MYO16: variants seen among roughly 807,000 people sequenced by gnomAD.
The protein encoded by MYO16 is unconventional myosin-XVI.
Under a neutral mutation model 205.3 loss-of-function variants are expected in MYO16, and 94 were observed. That is an observed-to-expected ratio of 0.46 (90% CI 0.39 to 0.54). The LOEUF is 0.54. Among genes scored for constraint, MYO16 ranks in the 20% least tolerant of loss-of-function variants. The pLI is 0.00. For synonymous variants in MYO16, 988 were observed against 954.0 expected, an observed-to-expected ratio of 1.04 and a Z score of -0.66; for missense variants, 2,315 against 2,387.5, an observed-to-expected ratio of 0.97 and a Z score of 0.63.
intron 27 of MYO16, among the ~76,000 whole-genome samples, chr13:109,087,978 C>T (rs1322785557): frequency 3.3e-5 from 5 of 152,184 alleles, no homozygotes; most frequent in Non-Finnish European, 7.3e-5. Flanking sequence ...CAAGCCATGG[C>T]TCAGCCAGTG....
intron 34 of MYO16, among the ~76,000 whole-genome samples, chr13:109,189,631 A>AC (rs1566555918): frequency 6.6e-6 from 1 of 151,314 alleles, no homozygotes; most frequent in African/African-American, 2.4e-5. Context: ...GTACATTGAA[A>AC]CCCCCCAGGC....
At chr13:109,066,445 G>A (rs547507543) in intron 27 of MYO16, among the ~76,000 whole-genome samples, 13 of 152,294 alleles carry the variant, frequency 8.5e-5, no homozygotes, top group Admixed American at 4.6e-4. Flanking sequence ...AAGGTTTAAC[G>A]AAGTTTGAGA....
At chr13:109,056,977 AAG>A (rs1566484855) in intron 27 of MYO16, among the ~76,000 whole-genome samples, 1 of 152,188 alleles carries the variant, frequency 6.6e-6, no homozygotes, top group Non-Finnish European at 1.5e-5. Flanking sequence ...TCATCCAAAA[AAG>A]AGAGATTTTG....
At chr13:108,591,795 C>T (rs1256439793), upstream of MYO16, among the ~76,000 whole-genome samples, 1 of 152,012 alleles carries the variant, frequency 6.6e-6, no homozygotes, top group East Asian at 1.9e-4. Flanking sequence ...TTATTTGGCT[C>T]TTGATTCTTT....
intron 21 of MYO16, among the ~76,000 whole-genome samples, chr13:109,007,364 G>C (rs1431034214): frequency 1.3e-5 from 2 of 151,872 alleles, no homozygotes; most frequent in Admixed American, 6.6e-5. Flanking sequence ...CTCCAGCCTG[G>C]GCGACAGGGC....
intron 16 of MYO16, among the ~76,000 whole-genome samples, chr13:108,921,477 T>A (rs1191200494): frequency 6.6e-6 from 1 of 152,262 alleles, no homozygotes; most frequent in African/African-American, 2.4e-5. Context: ...GTTTCCTTTG[T>A]AGCTTGCAGG....
At chr13:108,731,332 A>G (rs767288346) in intron 4 of MYO16, among the ~76,000 whole-genome samples, 10 of 152,218 alleles carry the variant, frequency 6.6e-5, no homozygotes, top group Non-Finnish European at 1.5e-4. Context: ...AAAGCAGGCC[A>G]GTTTTTGGAA....
chr13:108,728,232 C>T (rs985049786), intron 4 of MYO16, among the ~76,000 whole-genome samples: 2 of 152,138 alleles, frequency 1.3e-5, no homozygotes, highest in African/African-American at 2.4e-5. Flanking sequence ...CTTCTTAATG[C>T]CTTGCTATTA....
intron 4 of MYO16, among the ~76,000 whole-genome samples, chr13:108,774,257 T>C (rs1016836220): frequency 6.6e-6 from 1 of 152,254 alleles, no homozygotes; most frequent in Non-Finnish European, 1.5e-5. Flanking sequence ...TCTTGGTTCA[T>C]ATGCCATATG....
chr13:108,604,907 T>C (rs7988598), intron 1 of MYO16, among the ~76,000 whole-genome samples: 8,657 of 152,236 alleles, frequency 0.057, 328 homozygotes, highest in Admixed American at 0.11. Flanking sequence ...GGATGCATAG[T>C]TGGATGGATG....
In MYO16 at chr13:108,869,304, G is replaced by A. The variant is rs1330511997; in HGVS notation, c.1425+3062G>A. On this transcript the variant is annotated intron_variant, in intron 12 of 34. Transcript: ENST00000457511. Reference sequence around the variant, plus strand: ...GAAATTCCTCTCAGTGTATCATCCCGTGTGCTCTTCTGGAGGATATATTGC... The same window carrying A: ...GAAATTCCTCTCAGTGTATCATCCCATGTGCTCTTCTGGAGGATATATTGC... Among the ~76,000 whole-genome samples the A allele has an allele frequency of 2.6e-5, 4 of 152,054 alleles. No individual in the cohort carries two copies. The East Asian group carries it at 5.8e-4, about 22-fold the overall frequency.
chr13:108,893,395 T>A (rs58404194), intron 14 of MYO16, among the ~76,000 whole-genome samples: 10,599 of 152,254 alleles, frequency 0.07, 484 homozygotes, highest in Middle Eastern at 0.2. Context: ...CTGTAAGAAT[T>A]TAACTCTTGT....
Position 108,961,592 on chromosome 13 carries a change from T to C in MYO16, c.2091T>C (p.Ile697=). The C allele has an allele frequency of 6.2e-7, 1 of 1,614,160 alleles. No individual in the cohort carries two copies. Among genetic ancestry groups the C allele is most frequent in the Middle Eastern group, 1.6e-4 (1 of 6,062 alleles). The part of the protein sequence containing the change: ...ILAAILHLGD[I]RFTALNEGNS... ...CAGCAATATTGCACCTTGGAGACAT[T>C]CGGTTTACTGCCCTGAATGAGGGGA... is the stretch of plus-strand genomic sequence containing the variant. Residue 697 remains isoleucine, a synonymous_variant, in exon 18 of 35, where the codon ATT becomes ATC. Coordinates refer to ENST00000457511, the MANE Select transcript of MYO16 (RefSeq NM_001198950.3).
rs1239848305 is a variant in MYO16 at position 109,197,939 on chromosome 13, TC to T, written c.5416-8668del. 3.9e-5 allele frequency among the ~76,000 whole-genome samples: 6 copies of T among 152,322 alleles called. No individual in the cohort carries two copies. The East Asian group carries it at 1.2e-3, about 29-fold the overall frequency. ...GCGCTGACTATTCTATTCATCAAGT[TC>T]CGTCAAGCTTTGTGTGTTTTTCCCA... On this transcript the variant is annotated intron_variant, in intron 34 of 34. Coordinates refer to ENST00000457511, the MANE Select transcript of MYO16 (RefSeq NM_001198950.3).
chr13:108,498,788 A>G, the MYO16 span, among the ~76,000 whole-genome samples: 4,024 of 152,312 alleles, frequency 0.026, 155 homozygotes, highest in African/African-American at 0.092. Context: ...AAAAGCTCAC[A>G]GTAACAACAC....
intron 20 of MYO16, among the ~76,000 whole-genome samples, chr13:108,989,271 G>C (rs906736815): frequency 6.6e-6 from 1 of 151,998 alleles, no homozygotes; most frequent in African/African-American, 2.4e-5. Context: ...TTTGTTTTGG[G>C]ATTAATGTTG....
At chr13:108,817,373 A>G (rs180899433) in intron 7 of MYO16, among the ~76,000 whole-genome samples, 59 of 150,606 alleles carry the variant, frequency 3.9e-4, no homozygotes, top group South Asian at 6.4e-4. Context: ...ATGCATGCAC[A>G]AGCATGGACG....
chr13:108,903,606 G>C (rs543054888), intron 15 of MYO16, among the ~76,000 whole-genome samples: 1 of 152,202 alleles, frequency 6.6e-6, no homozygotes, highest in Non-Finnish European at 1.5e-5. Flanking sequence ...ATGATTTTCA[G>C]TTTAAGAATG....
At position 108,897,327 on chromosome 13, in the gene MYO16, G is replaced by C. The variant is rs1880471515; in HGVS notation, c.1660-689G>C. Reference sequence around the variant, plus strand: ...TGAATGCTTAAGGAAACATGTCAAGGAAGAATTTCAGCCCCCAGGGTTGGC... The same window carrying C: ...TGAATGCTTAAGGAAACATGTCAAGCAAGAATTTCAGCCCCCAGGGTTGGC... On this transcript the variant is annotated intron_variant, in intron 14 of 34. Coordinates refer to ENST00000457511, the MANE Select transcript of MYO16 (RefSeq NM_001198950.3). 2.0e-5 allele frequency among the ~76,000 whole-genome samples: 3 copies of C among 152,154 alleles called. 1 individual carries two copies. The South Asian group carries it at 6.2e-4, about 31-fold the overall frequency.
Sources: gnomAD v4.1 joint callset for allele counts (sites outside exome capture counted in the v4.1 genomes callset) on GRCh38, gnomAD v4.1.1 for gene constraint, MANE v1.5 for transcripts, NCBI Gene and HGNC (gene_info 2026-07-23, HGNC 2026-07-21) for gene names.